SMCHD1: variants seen among roughly 807,000 people sequenced by gnomAD.
SMCHD1 encodes structural maintenance of chromosomes flexible hinge domain-containing protein 1.
Under a neutral mutation model 254.7 loss-of-function variants are expected in SMCHD1, and 78 were observed. The observed-to-expected ratio is 0.31, with a 90% CI of 0.26 to 0.37. The LOEUF is 0.37. SMCHD1 is among the 10% of genes least tolerant of loss of function. SMCHD1 has a pLI of 1.00. For missense variants in SMCHD1, 1,840 were observed against 2,408.1 expected, an observed-to-expected ratio of 0.76 and a Z score of 4.94; for synonymous variants, 766 against 794.9, an observed-to-expected ratio of 0.96 and a Z score of 0.61.
intron 10 of SMCHD1, 39 bp from the exon 11 acceptor site, chr18:2,700,500 A>G: frequency 6.4e-7 from 1 of 1,560,620 alleles, no homozygotes; most frequent in South Asian, 1.2e-5. Flanking sequence ...CTCACATTTT[A>G]GCAATAAACA....
intron 25 of SMCHD1, among the ~76,000 whole-genome samples, chr18:2,736,958 A>G (rs2075263269): frequency 6.6e-6 from 1 of 152,180 alleles, no homozygotes; most frequent in Non-Finnish European, 1.5e-5. Context: ...TGTTTATCTC[A>G]GCACTATTCA....
intron 8 of SMCHD1, among the ~76,000 whole-genome samples, chr18:2,696,315 G>A (rs554151379): frequency 3.3e-4 from 50 of 152,200 alleles, no homozygotes; most frequent in African/African-American, 8.7e-4. Context: ...TTAGGAACCC[G>A]GCCCCACAGT....
intron 19 of SMCHD1, among the ~76,000 whole-genome samples, chr18:2,719,595 C>G (rs1474349480): frequency 6.6e-6 from 1 of 151,782 alleles, no homozygotes; most frequent in Non-Finnish European, 1.5e-5. Flanking sequence ...CTGCACCTGG[C>G]CTTTTTTCTT....
At chr18:2,736,859 T>C (rs990581815) in intron 25 of SMCHD1, among the ~76,000 whole-genome samples, 2 of 152,188 alleles carry the variant, frequency 1.3e-5, no homozygotes, top group Middle Eastern at 3.2e-3. Flanking sequence ...CAACCTTAAA[T>C]AGAACTATCG....
At chr18:2,764,317 T>C (rs767647577) in intron 37 of SMCHD1, among the ~76,000 whole-genome samples, 1 of 152,208 alleles carries the variant, frequency 6.6e-6, no homozygotes, top group Non-Finnish European at 1.5e-5. Context: ...CATGTGTGTA[T>C]ATGATTTATA....
In SMCHD1 at chr18:2,717,950, AG is replaced by A. The variant is rs144450817; in HGVS notation, c.2261-207del. ...TTTAAATAAAGTGAAAGAGTTTATA[AG>A]ACTTGAAATAAAGAGATTTTAATGA... On this transcript the variant is annotated intron_variant, in intron 17 of 47. Coordinates refer to ENST00000320876, the MANE Select transcript of SMCHD1 (RefSeq NM_015295.3). Among the ~76,000 whole-genome samples the A allele has an allele frequency of 0.19, 29,481 of 152,016 alleles. 3,087 individuals are homozygous for A. The highest frequency in any genetic ancestry group is 0.27 in the South Asian group (1,305 of 4,824).
At chr18:2,708,914 T>TAAAA (rs1568199382) in intron 17 of SMCHD1, among the ~76,000 whole-genome samples, 13 of 51,596 alleles carry the variant, frequency 2.5e-4, no homozygotes, top group African/African-American at 1.3e-3. Context: ...ATATAACATA[T>TAAAA]TAACATGAAA....
At chr18:2,707,418 A>G (rs1229640907) in intron 15 of SMCHD1, 145 bp from the exon 16 acceptor site, 2 of 430,662 alleles carry the variant, frequency 4.6e-6, no homozygotes, top group Non-Finnish European at 8.1e-6. Flanking sequence ...AAAAATTTTT[A>G]GATGATTAAT....
chr18:2,762,114 G>A lies in SMCHD1; in HGVS notation c.4444G>A (p.Glu1482Lys), dbSNP rs371345729. ...NILNSEQVIVEVLPNQPVKLV... is the reference protein window; with the variant it reads ...NILNSEQVIVKVLPNQPVKLV... The stretch of plus-strand genomic sequence containing the variant: ...TCTTTTGTTTTGTAAGGTTATAGTT[G>A]AAGTCCTGCCTAATCAACCTGTGAA... Residue 1482 changes from glutamate (E) to lysine (K), a missense_variant, in exon 36 of 48, where the codon GAA (glutamate) becomes AAA (lysine). This residue lies in a region of SMCHD1 where 881 missense variants were observed against 1,009.5 expected (regional missense o/e 0.87). Transcript: ENST00000320876. The A allele has an allele frequency of 6.2e-7, 1 of 1,613,040 alleles. No homozygotes were observed. Among genetic ancestry groups the A allele is most frequent in the Non-Finnish European group, 8.5e-7 (1 of 1,179,316 alleles).
At position 2,747,589 on chromosome 18, in the gene SMCHD1, A is replaced by G. The variant is rs765773540; in HGVS notation, c.3869A>G (p.Asp1290Gly). 1 of 1,611,104 alleles carries G rather than the reference A, an allele frequency of 6.2e-7. No individual in the cohort carries two copies. The highest frequency in any genetic ancestry group is 1.7e-5 in the Admixed American group (1 of 59,876). The change falls in exon 30 of 48, where the codon GAT (aspartate) becomes GGT (glycine). Residue 1290 changes from aspartate (D) to glycine (G), a missense_variant. Asp to Gly is a moderately conservative substitution (Grantham distance 94). Around this residue, in one of 9 missense-constraint regions of SMCHD1, gnomAD observed 881 missense variants for 1,009.5 expected, o/e 0.87. Transcript: ENST00000320876. ...ATTGTTCAACTTTGTGATCAGTGGG[A>G]TAATCCAGCACCGGTACAACATGTT... Reference protein sequence around the residue: ...PIIVQLCDQWDNPAPVQHVKI... With the variant: ...PIIVQLCDQWGNPAPVQHVKI...
intron 5 of SMCHD1, among the ~76,000 whole-genome samples, chr18:2,687,665 A>G (rs753310585): frequency 7.9e-5 from 12 of 152,134 alleles, no homozygotes; most frequent in Non-Finnish European, 1.5e-5. Flanking sequence ...AGCTGCATTT[A>G]ATCTTGTGCC....
At chr18:2,757,394 G>A (rs770249272) in intron 34 of SMCHD1, among the ~76,000 whole-genome samples, 62 of 151,214 alleles carry the variant, frequency 4.1e-4, no homozygotes, top group Non-Finnish European at 6.8e-4. Context: ...TTTTTAATTT[G>A]GTAGATATCA....
chr18:2,678,835 T>TG (rs1295812405), intron 5 of SMCHD1, among the ~76,000 whole-genome samples: 640 of 35,008 alleles, frequency 0.018, 2 homozygotes, highest in African/African-American at 0.023. Context: ...TTTTTTTTTT[T>TG]TTTGTTTGTT....
chr18:2,697,283 T>C (rs1024239418), intron 9 of SMCHD1, 161 bp downstream of exon 9: 8 of 457,128 alleles, frequency 1.8e-5, no homozygotes, highest in African/African-American at 1.4e-4. Flanking sequence ...AAAGAGATTA[T>C]TCCTAGATGT....
chr18:2,686,593 TGTG>T (rs899614502), intron 5 of SMCHD1, among the ~76,000 whole-genome samples: 3 of 152,136 alleles, frequency 2.0e-5, no homozygotes, highest in African/African-American at 4.8e-5. Flanking sequence ...TTTGTAGCAT[TGTG>T]GTGTGTGTTT....
At chr18:2,744,494 T>C (rs894340628) in intron 29 of SMCHD1, among the ~76,000 whole-genome samples, 1 of 152,170 alleles carries the variant, frequency 6.6e-6, no homozygotes, top group African/African-American at 2.4e-5. Flanking sequence ...ATTTATTGTG[T>C]ACAACATATT....
At chr18:2,689,595 C>T (rs1406512600) in intron 7 of SMCHD1, among the ~76,000 whole-genome samples, 2 of 152,018 alleles carry the variant, frequency 1.3e-5, no homozygotes, top group African/African-American at 4.8e-5. Context: ...TGGGGTCTCA[C>T]TCTGTCCCTC....
At chr18:2,686,133 C>A (rs373005810) in intron 5 of SMCHD1, among the ~76,000 whole-genome samples, 2 of 152,190 alleles carry the variant, frequency 1.3e-5, no homozygotes, top group South Asian at 2.1e-4. Context: ...TCTCTTCCCC[C>A]CAAACCCCAA....
intron 19 of SMCHD1, among the ~76,000 whole-genome samples, chr18:2,720,710 A>G (rs980123668): frequency 1.3e-5 from 2 of 152,182 alleles, no homozygotes; most frequent in Non-Finnish European, 2.9e-5. Context: ...CATATTTAGT[A>G]TATAATTTTC....
Sources: gnomAD v4.1 joint callset for allele counts (sites outside exome capture counted in the v4.1 genomes callset) on GRCh38, gnomAD v4.1.1 for gene constraint, gnomAD v4.1.1 regional missense constraint, MANE v1.5 for transcripts, NCBI Gene and HGNC (gene_info 2026-07-23, HGNC 2026-07-21) for gene names.